Variants in DLG2 observed in about 807,000 individuals in gnomAD.
DLG2 encodes the protein discs large MAGUK scaffold protein 2.
Under a neutral mutation model 132.5 loss-of-function variants are expected in DLG2, and 45 were observed. The observed-to-expected ratio is 0.34, with a 90% confidence interval of 0.27 to 0.44. The LOEUF is 0.44. DLG2 is among the 20% of genes least tolerant of loss of function. The pLI, the probability that DLG2 is intolerant of heterozygous loss-of-function variation, is 1.00. For missense variants in DLG2, 1,045 were observed against 1,196.9 expected, an observed-to-expected ratio of 0.87 and a Z score of 1.87; for synonymous variants, 424 against 419.6, an observed-to-expected ratio of 1.01 and a Z score of -0.13.
At chr11:84,137,838 C>G (rs1208429938) in intron 9 of DLG2, among the ~76,000 whole-genome samples, 3 of 152,160 alleles carry the variant, frequency 2.0e-5, no homozygotes, top group Middle Eastern at 3.2e-3. Flanking sequence ...GCTGATTTCA[C>G]AGTCAGTGCT....
At chr11:84,499,923 T>C (rs1472439606) in intron 7 of DLG2, among the ~76,000 whole-genome samples, 1 of 152,184 alleles carries the variant, frequency 6.6e-6, no homozygotes, top group Non-Finnish European at 1.5e-5. Flanking sequence ...TGTCTGATCA[T>C]GGGCAAGATT....
chr11:84,886,157 T>C (rs1387408554), intron 6 of DLG2, among the ~76,000 whole-genome samples: 1 of 152,118 alleles, frequency 6.6e-6, no homozygotes, highest in Non-Finnish European at 1.5e-5. Flanking sequence ...GAATGGATAA[T>C]ACTGAAATAT....
chr11:83,893,146 T>C (rs144418761), intron 15 of DLG2, among the ~76,000 whole-genome samples: 34 of 152,300 alleles, frequency 2.2e-4, no homozygotes, highest in African/African-American at 8.2e-4. Flanking sequence ...TGCTACCACC[T>C]TAATGGAAAC....
intron 6 of DLG2, among the ~76,000 whole-genome samples, chr11:84,706,421 T>A (rs1490721944): frequency 6.6e-6 from 1 of 151,778 alleles, no homozygotes; most frequent in Non-Finnish European, 1.5e-5. Flanking sequence ...TTAGACATAC[T>A]GTATAAATGA....
At chr11:83,906,319 A>ACC (rs1565586881) in intron 15 of DLG2, among the ~76,000 whole-genome samples, 9 of 65,872 alleles carry the variant, frequency 1.4e-4, no homozygotes, top group Admixed American at 1.8e-4. Context: ...ACACACACAC[A>ACC]CCTCGGCCTC....
At chr11:85,478,311 T>A (rs2093200896) in intron 3 of DLG2, among the ~76,000 whole-genome samples, 1 of 152,110 alleles carries the variant, frequency 6.6e-6, no homozygotes. Flanking sequence ...CATGAGCCAC[T>A]GCACCTGGAC....
intron 7 of DLG2, among the ~76,000 whole-genome samples, chr11:84,520,159 T>C (rs375461603): frequency 6.6e-6 from 1 of 152,182 alleles, no homozygotes; most frequent in African/African-American, 2.4e-5. Context: ...AAAACAAAAA[T>C]TTTTTAACTT....
intron 19 of DLG2, among the ~76,000 whole-genome samples, chr11:83,552,531 T>A (rs2096415903): frequency 6.6e-6 from 1 of 152,142 alleles, no homozygotes. Context: ...GGGAGATGAT[T>A]CATCCAGATT....
intron 6 of DLG2, among the ~76,000 whole-genome samples, chr11:84,978,976 C>T (rs866657953): frequency 1.3e-5 from 2 of 152,090 alleles, no homozygotes; most frequent in Non-Finnish European, 1.5e-5. Context: ...AAGAAAAAAA[C>T]AACCCCATCA....
At chr11:84,018,603 A>C (rs2095292698) in intron 11 of DLG2, among the ~76,000 whole-genome samples, 1 of 151,514 alleles carries the variant, frequency 6.6e-6, no homozygotes, top group African/African-American at 2.4e-5. Context: ...CATCACCTAT[A>C]GTCTAGCAAA....
intron 6 of DLG2, among the ~76,000 whole-genome samples, chr11:84,737,746 T>C (rs190991000): frequency 2.0e-5 from 3 of 152,022 alleles, no homozygotes; most frequent in East Asian, 1.9e-4. Flanking sequence ...GAAACAGCAC[T>C]GGAAACAAAG....
At chr11:83,510,568 G>T (rs748068647) in intron 21 of DLG2, among the ~76,000 whole-genome samples, 1 of 152,132 alleles carries the variant, frequency 6.6e-6, no homozygotes, top group Non-Finnish European at 1.5e-5. Context: ...TGCATCACGG[G>T]GATTAGGACT....
chr11:85,009,895 G>A (rs2059004160), intron 6 of DLG2, among the ~76,000 whole-genome samples: 1 of 152,036 alleles, frequency 6.6e-6, no homozygotes, highest in Admixed American at 6.6e-5. Context: ...CCCTAAACCA[G>A]CATATGTAAA....
intron 19 of DLG2, among the ~76,000 whole-genome samples, chr11:83,605,857 A>C (rs1329523690): frequency 6.6e-6 from 1 of 152,194 alleles, no homozygotes. Context: ...AGCAGTCAGC[A>C]TTTTTCTGCT....
chr11:84,465,387 T>C (rs940319548), intron 7 of DLG2, among the ~76,000 whole-genome samples: 8 of 151,248 alleles, frequency 5.3e-5, no homozygotes, highest in African/African-American at 1.9e-4. Context: ...CATATCTACT[T>C]ACTAGTGGAT....
chr11:85,495,735 G>T (rs1413411559), intron 3 of DLG2, among the ~76,000 whole-genome samples: 1 of 152,154 alleles, frequency 6.6e-6, no homozygotes, highest in African/African-American at 2.4e-5. Flanking sequence ...ATTCCTCAAG[G>T]ATCTAGAACC....
rs181330912 is a variant in DLG2 at position 84,896,720 on chromosome 11, G to A, written c.357+214941C>T. Reference sequence around the variant, plus strand: ...TCAGAAAATAGATGAGTACAATATAGTAAGACATTTTGTGAGAAAGCAATA... The same window carrying A: ...TCAGAAAATAGATGAGTACAATATAATAAGACATTTTGTGAGAAAGCAATA... On this transcript the variant is annotated intron_variant, in intron 6 of 27. Transcript: ENST00000376104. 3.6e-3 allele frequency among the ~76,000 whole-genome samples: 547 copies of A among 151,980 alleles called. 3 individuals carry two copies. The highest frequency in any genetic ancestry group is 6.2e-3 in the Non-Finnish European group (421 of 67,880).
intron 16 of DLG2, among the ~76,000 whole-genome samples, chr11:83,859,835 C>G (rs1409543151): frequency 6.6e-6 from 1 of 152,118 alleles, no homozygotes; most frequent in Non-Finnish European, 1.5e-5. Flanking sequence ...GTTTTGTCGG[C>G]CAGGCCCAGG....
chr11:85,168,309 A>G (rs1363647822), intron 4 of DLG2, among the ~76,000 whole-genome samples: 1 of 152,198 alleles, frequency 6.6e-6, no homozygotes, highest in Admixed American at 6.5e-5. Context: ...ACAGAGGTTC[A>G]GTTCAATAAA....
Sources: allele counts gnomAD v4.1 joint callset (sites outside exome capture counted in the v4.1 genomes callset), GRCh38; gene constraint gnomAD v4.1.1; transcripts MANE v1.5; gene names NCBI Gene and HGNC (gene_info 2026-07-23, HGNC 2026-07-21).